WDR7: variants seen among roughly 807,000 people sequenced by gnomAD.
WDR7 encodes WD repeat domain 7, also known as WD repeat-containing protein 7.
Under a neutral mutation model 169.4 loss-of-function variants are expected in WDR7, and 46 were observed. The ratio of observed to expected loss-of-function variants is 0.27; its 90% CI spans 0.21 to 0.35. The LOEUF is 0.35. WDR7 is among the 10% of genes least tolerant of loss of function. WDR7 has a pLI of 1.00. For synonymous variants in WDR7, 612 were observed against 666.8 expected, an observed-to-expected ratio of 0.92 and a Z score of 1.27; for missense variants, 1,534 against 1,859.3, an observed-to-expected ratio of 0.83 and a Z score of 3.22.
intron 14 of WDR7, among the ~76,000 whole-genome samples, chr18:56,738,871 A>G (rs1413986357): frequency 9.2e-6 from 1 of 108,298 alleles, no homozygotes; most frequent in Non-Finnish European, 1.8e-5. Flanking sequence ...TATGATTCCT[A>G]TCTTTTAATT....
At chr18:56,868,330 G>A (rs982543453) in intron 20 of WDR7, among the ~76,000 whole-genome samples, 2 of 152,082 alleles carry the variant, frequency 1.3e-5, no homozygotes, top group African/African-American at 4.8e-5. Flanking sequence ...ACTTGTTAAT[G>A]GCTCAGAAGT....
chr18:56,918,877 C>T (rs1469808361), intron 21 of WDR7, among the ~76,000 whole-genome samples: 1 of 152,202 alleles, frequency 6.6e-6, no homozygotes, highest in Non-Finnish European at 1.5e-5. Context: ...TGTGCTAAGC[C>T]TTAGGCCAAA....
chr18:56,792,897 T>G (rs2044516893), intron 19 of WDR7, among the ~76,000 whole-genome samples: 1 of 152,172 alleles, frequency 6.6e-6, no homozygotes, highest in South Asian at 2.1e-4. Context: ...TTTGTTGTCA[T>G]GCGGGACAAC....
intron 22 of WDR7, 61 bp downstream of exon 22, chr18:56,924,169 G>T: frequency 6.3e-7 from 1 of 1,584,734 alleles, no homozygotes; most frequent in South Asian, 1.2e-5. Flanking sequence ...GGTTTTTTTG[G>T]TGGGTTTATT....
chr18:56,815,329 A>C (rs1426363584), intron 19 of WDR7, among the ~76,000 whole-genome samples: 1 of 152,246 alleles, frequency 6.6e-6, no homozygotes, highest in East Asian at 1.9e-4. Flanking sequence ...TTGAGAAATA[A>C]TGTGACAGAT....
At chr18:56,856,530 T>C (rs1446684551) in intron 20 of WDR7, among the ~76,000 whole-genome samples, 1 of 152,032 alleles carries the variant, frequency 6.6e-6, no homozygotes, top group Non-Finnish European at 1.5e-5. Context: ...CAAGACTTAG[T>C]CTTTAAAAAA....
chr18:56,865,382 AG>A (rs1242451327), intron 20 of WDR7, among the ~76,000 whole-genome samples: 1 of 152,160 alleles, frequency 6.6e-6, no homozygotes, highest in Non-Finnish European at 1.5e-5. Flanking sequence ...CTATCGGCTT[AG>A]AATAGCACTA....
intron 21 of WDR7, among the ~76,000 whole-genome samples, chr18:56,891,322 A>G (rs991790402): frequency 6.6e-6 from 1 of 152,130 alleles, no homozygotes; most frequent in African/African-American, 2.4e-5. Context: ...GTATCACCAC[A>G]TCACAGCTGT....
At chr18:56,699,087 T>A (rs1259451064) in intron 12 of WDR7, among the ~76,000 whole-genome samples, 1 of 152,226 alleles carries the variant, frequency 6.6e-6, no homozygotes, top group African/African-American at 2.4e-5. Context: ...TTTAAAATTC[T>A]TATTCAAAAG....
intron 26 of WDR7, among the ~76,000 whole-genome samples, chr18:56,975,672 G>T (rs186510640): frequency 6.6e-6 from 1 of 151,902 alleles, no homozygotes; most frequent in Non-Finnish European, 1.5e-5. Context: ...TAATTCTACC[G>T]TCTGTAAAAC....
rs2048378527 is a variant in WDR7, at chr18:57,027,166, C to A, written c.4432C>A (p.Leu1478Ile). The change falls in exon 28 of 28, where the codon CTC becomes ATC. Residue 1478 changes from leucine (L) to isoleucine (I), a missense_variant. By Grantham distance (5) the Leu-to-Ile change is conservative. Coordinates refer to ENST00000254442, the MANE Select transcript of WDR7 (RefSeq NM_015285.3). ...CTGGACTTCCAACCGCAACGTCATC[C>A]TCATGGCCCATGACGGGAAGGAGCA... ...LIWTSNRNVILMAHDGKEHRF... is the reference protein window; with the variant it reads ...LIWTSNRNVIIMAHDGKEHRF... The A allele has an allele frequency of 6.2e-7, 1 of 1,614,058 alleles. No individual in the cohort carries two copies. The highest frequency in any genetic ancestry group is 1.3e-5 in the African/African-American group (1 of 74,954).
At chr18:57,005,282 C>CT (rs1007792214) in intron 26 of WDR7, among the ~76,000 whole-genome samples, 7 of 151,882 alleles carry the variant, frequency 4.6e-5, no homozygotes, top group Non-Finnish European at 7.4e-5. Flanking sequence ...AATAATCTTC[C>CT]TTTTTTAAAA....
intron 20 of WDR7, among the ~76,000 whole-genome samples, chr18:56,843,261 T>G (rs1465626784): frequency 6.6e-6 from 1 of 152,224 alleles, no homozygotes; most frequent in Admixed American, 6.5e-5. Flanking sequence ...AGTGGCCAAA[T>G]CAGCGGTGTT....
intron 12 of WDR7, among the ~76,000 whole-genome samples, chr18:56,711,199 A>G (rs886526751): frequency 6.6e-6 from 1 of 151,752 alleles, no homozygotes; most frequent in Non-Finnish European, 1.5e-5. Flanking sequence ...TTCAGTTTTT[A>G]TGTAATCAAA....
chr18:56,679,439 G>A lies in WDR7; in HGVS notation c.266+1G>A, dbSNP rs768603129. ...ATATTGTGAGTGCATCTGAAAGTGGGTAAGTATTTTCTCATTTGCCTCTTT... is the reference window on the plus strand; with the variant it reads ...ATATTGTGAGTGCATCTGAAAGTGGATAAGTATTTTCTCATTTGCCTCTTT... On this transcript the variant is annotated splice_donor_variant, in intron 3 of 27. Transcript: ENST00000254442. LOFTEE classifies it high-confidence loss of function. 6.3e-7 allele frequency: 1 copy of A among 1,595,914 alleles called. No homozygotes were observed. The highest frequency in any genetic ancestry group is 1.1e-5 in the South Asian group (1 of 89,808).
At chr18:56,838,342 A>G (rs2045427838) in intron 20 of WDR7, among the ~76,000 whole-genome samples, 1 of 152,118 alleles carries the variant, frequency 6.6e-6, no homozygotes. Context: ...TTTGCTGTTT[A>G]TTGAACTGTT....
intron 21 of WDR7, among the ~76,000 whole-genome samples, chr18:56,902,717 T>C (rs2046419636): frequency 6.6e-6 from 1 of 152,186 alleles, no homozygotes; most frequent in Non-Finnish European, 1.5e-5. Flanking sequence ...ACCAGCTTTT[T>C]AAAGCAAATT....
intron 21 of WDR7, among the ~76,000 whole-genome samples, chr18:56,880,963 T>C (rs900478430): frequency 1.3e-5 from 2 of 152,210 alleles, no homozygotes; most frequent in Non-Finnish European, 1.5e-5. Flanking sequence ...GGAACAAATA[T>C]AGTCCAACTG....
intron 1 of WDR7, among the ~76,000 whole-genome samples, chr18:56,657,046 T>A (rs1040577185): frequency 6.6e-6 from 1 of 152,184 alleles, no homozygotes; most frequent in African/African-American, 2.4e-5. Flanking sequence ...AAATTCATAG[T>A]GTAAATCTTG....
Sources: allele counts gnomAD v4.1 joint callset (sites outside exome capture counted in the v4.1 genomes callset), GRCh38; gene constraint gnomAD v4.1.1; transcripts MANE v1.5; gene names NCBI Gene and HGNC (gene_info 2026-07-23, HGNC 2026-07-21).